The following GLT1D1 variants were observed in gnomAD, a reference collection of about 807,000 sequenced individuals.
GLT1D1 encodes the protein glycosyltransferase 1 domain containing 1.
GLT1D1 carries 21 observed loss-of-function variants against 28.7 expected under a neutral mutation model. The ratio of observed to expected loss-of-function variants is 0.73; its 90% CI spans 0.52 to 1.05. The LOEUF (loss-of-function observed/expected upper bound fraction) is 1.05, where lower values mean the gene tolerates loss of function less well. Among genes scored for constraint, GLT1D1 ranks in the 50% least tolerant of loss-of-function variants. GLT1D1 has a pLI of 0.00. For synonymous variants in GLT1D1, 147 were observed against 124.8 expected, an observed-to-expected ratio of 1.18 and a Z score of -1.19; for missense variants, 343 against 330.6, an observed-to-expected ratio of 1.04 and a Z score of -0.29.
intron 4 of GLT1D1, among the ~76,000 whole-genome samples, chr12:128,904,173 TCA>T (rs905860416): frequency 6.6e-6 from 1 of 151,500 alleles, no homozygotes; most frequent in African/African-American, 2.4e-5. Context: ...ACACCTACAC[TCA>T]CACACACACA....
At chr12:128,969,158 CTG>C (rs545391689) in intron 7 of GLT1D1, among the ~76,000 whole-genome samples, 77 of 120,038 alleles carry the variant, frequency 6.4e-4, no homozygotes, top group Admixed American at 3.5e-3. Context: ...CTCTGTTTCT[CTG>C]ATTGTCTCTT....
intron 1 of GLT1D1, among the ~76,000 whole-genome samples, chr12:128,854,717 G>A (rs1302473174): frequency 6.6e-6 from 1 of 151,972 alleles, no homozygotes; most frequent in East Asian, 1.9e-4. Flanking sequence ...GGTTGGTCTC[G>A]AACTCCTGCC....
intron 7 of GLT1D1, among the ~76,000 whole-genome samples, chr12:128,972,287 G>T (rs1040108528): frequency 1.3e-5 from 2 of 152,250 alleles, no homozygotes; most frequent in African/African-American, 4.8e-5. Flanking sequence ...CAGAGCCCAG[G>T]CTCCTTCCAT....
intron 1 of GLT1D1, among the ~76,000 whole-genome samples, chr12:128,858,009 CT>C (rs987955563): frequency 3.3e-5 from 5 of 152,188 alleles, no homozygotes; most frequent in African/African-American, 1.2e-4. Flanking sequence ...ACCAAGTTTG[CT>C]TTGTGGCTCA....
At chr12:128,897,817 C>T (rs1432935345) in intron 3 of GLT1D1, among the ~76,000 whole-genome samples, 7 of 151,968 alleles carry the variant, frequency 4.6e-5, no homozygotes, top group Admixed American at 2.6e-4. Context: ...TACAGGCGCC[C>T]GCCACCATGC....
intron 4 of GLT1D1, among the ~76,000 whole-genome samples, chr12:128,899,654 A>G (rs551864281): frequency 3.3e-5 from 5 of 151,228 alleles, no homozygotes; most frequent in South Asian, 4.2e-4. Flanking sequence ...GGTTCAAGCA[A>G]TTCTCCTGCC....
chr12:128,872,526 G>T (rs1956723356), intron 1 of GLT1D1, among the ~76,000 whole-genome samples: 1 of 152,244 alleles, frequency 6.6e-6, no homozygotes, highest in African/African-American at 2.4e-5. Flanking sequence ...GCTGTGGGAG[G>T]GTGGTTGGAG....
chr12:128,943,842 T>C (rs886129856), intron 4 of GLT1D1, among the ~76,000 whole-genome samples: 2 of 152,252 alleles, frequency 1.3e-5, no homozygotes, highest in African/African-American at 4.8e-5. Flanking sequence ...ACGCTGGAGA[T>C]GTCTTTTGTG....
chr12:128,892,279 G>A (rs11059997), intron 3 of GLT1D1, among the ~76,000 whole-genome samples: 47,379 of 151,944 alleles, frequency 0.31, 8,270 homozygotes, highest in Admixed American at 0.41. Context: ...TATCATAATA[G>A]AGAGCACACG....
chr12:128,951,613 A>G (rs1203485382), intron 6 of GLT1D1, among the ~76,000 whole-genome samples: 1 of 152,108 alleles, frequency 6.6e-6, no homozygotes, highest in African/African-American at 2.4e-5. Context: ...TTTCCGTCCC[A>G]AGCCTGTGAG....
chr12:128,970,907 G>A (rs1878974077), intron 7 of GLT1D1, among the ~76,000 whole-genome samples: 1 of 152,206 alleles, frequency 6.6e-6, no homozygotes, highest in Non-Finnish European at 1.5e-5. Context: ...CCCTCGCAGG[G>A]ACTCTGATAT....
intron 1 of GLT1D1, among the ~76,000 whole-genome samples, chr12:128,861,849 C>T (rs1956385535): frequency 6.6e-6 from 1 of 151,950 alleles, no homozygotes; most frequent in East Asian, 1.9e-4. Flanking sequence ...TTCTCTGTGT[C>T]AAGCATTTGG....
In GLT1D1 at chr12:128,853,546, G is replaced by A; in HGVS notation, c.-36G>A. 9.6e-7 allele frequency: 1 copy of A among 1,045,436 alleles called. No homozygotes were observed. Among genetic ancestry groups the A allele is most frequent in the Non-Finnish European group, 1.1e-6 (1 of 873,718 alleles). The allele number at this position is 1,045,436 out of a possible 1,614,324, so 64.8% of individuals were successfully genotyped here. ...CGGCCCCGGGGCCTGGTCGGCGGCG[G>A]CGGGGCCGGTCGATGGCCCGGGCGG... On this transcript the variant is annotated 5_prime_UTR_variant, in exon 1 of 8. Coordinates refer to ENST00000281703, the MANE Select transcript of GLT1D1 (RefSeq NM_144669.3).
chr12:128,854,957 C>A (rs1956178449), intron 1 of GLT1D1, among the ~76,000 whole-genome samples: 1 of 152,076 alleles, frequency 6.6e-6, no homozygotes, highest in Non-Finnish European at 1.5e-5. Flanking sequence ...GTGCAGGTTT[C>A]TATTAAATAG....
intron 3 of GLT1D1, among the ~76,000 whole-genome samples, chr12:128,891,105 C>CAA (rs63056260): frequency 2.1e-4 from 24 of 115,790 alleles, no homozygotes; most frequent in South Asian, 2.6e-4. Flanking sequence ...GACACTGTCT[C>CAA]AAAAAAAAAA....
intron 2 of GLT1D1, among the ~76,000 whole-genome samples, chr12:128,876,383 G>A (rs28413743): frequency 0.22 from 33,918 of 151,996 alleles, 4,054 homozygotes; most frequent in Middle Eastern, 0.31. Context: ...ATCTCGGCTC[G>A]CTGCAACCTC....
chr12:128,900,802 A>AT lies in GLT1D1; in HGVS notation c.375+1520dup, dbSNP rs1870167088. On this transcript the variant is annotated intron_variant, in intron 4 of 7. Coordinates refer to ENST00000281703, the MANE Select transcript of GLT1D1 (RefSeq NM_144669.3). ...AGGCATGTGCCACCACACCCGGCTA[A>AT]TTTTTGTATTTTTAGTAGGGACGTG... Among the ~76,000 whole-genome samples the AT allele has an allele frequency of 2.6e-5, 4 of 151,968 alleles. No homozygotes were observed. The South Asian group carries it at 8.3e-4, about 32-fold the overall frequency.
intron 4 of GLT1D1, among the ~76,000 whole-genome samples, chr12:128,929,230 C>A (rs1192499010): frequency 6.6e-6 from 1 of 152,232 alleles, no homozygotes; most frequent in African/African-American, 2.4e-5. Flanking sequence ...TGTTGTTCGT[C>A]AGCCTCTGCT....
rs1440845890 is a variant in GLT1D1, at chr12:128,876,046, A to T, written c.201A>T (p.Gly67=). The T allele has an allele frequency of 5.0e-6, 8 of 1,600,170 alleles. No individual in the cohort carries two copies. In the South Asian group the frequency reaches 9.1e-5, roughly 18 times the overall value. ...CCCTGGCTCTTCATCTCTATAGGGG[A>T]GGCAGGCTTTTGCAAGGTAATCCTC... The change falls in exon 2 of 8, where the codon GGA becomes GGT. Residue 67 remains glycine, a synonymous_variant. Transcript: ENST00000281703.
Sources: gnomAD v4.1 joint callset for allele counts (sites outside exome capture counted in the v4.1 genomes callset) on GRCh38, gnomAD v4.1.1 for gene constraint, MANE v1.5 for transcripts, NCBI Gene and HGNC (gene_info 2026-07-23, HGNC 2026-07-21) for gene names.